The following MEMO1 variants were observed in gnomAD, a reference collection of about 807,000 sequenced individuals.
MEMO1 encodes the protein protein MEMO1.
MEMO1 carries 6 observed loss-of-function variants against 45.2 expected under a neutral mutation model. That is an observed-to-expected ratio of 0.13 (90% confidence interval 0.07 to 0.26). The LOEUF (loss-of-function observed/expected upper bound fraction) is 0.26. MEMO1 is among the 10% of genes least tolerant of loss of function. The pLI is 1.00. For missense variants in MEMO1, 184 were observed against 370.5 expected, an observed-to-expected ratio of 0.50 and a Z score of 4.13; for synonymous variants, 78 against 124.3, an observed-to-expected ratio of 0.63 and a Z score of 2.48.
chr2:31,869,779 C>T, intron 9 of MEMO1, 69 bp downstream of exon 9: 1 of 1,468,508 alleles, frequency 6.8e-7, no homozygotes, highest in South Asian at 1.4e-5. Context: ...GCCATTGTAT[C>T]ACAATGATAA....
At chr2:31,875,534 T>C (rs1293968192) in intron 8 of MEMO1, among the ~76,000 whole-genome samples, 5 of 152,112 alleles carry the variant, frequency 3.3e-5, no homozygotes, top group Non-Finnish European at 5.9e-5. Flanking sequence ...CAAACCAAAA[T>C]AGTCAACCCA....
chr2:31,981,923 A>C (rs1670683580), intron 2 of MEMO1, among the ~76,000 whole-genome samples: 1 of 152,250 alleles, frequency 6.6e-6, no homozygotes, highest in Non-Finnish European at 1.5e-5. Flanking sequence ...AAGTTAACCA[A>C]ACAAAAAAAT....
At chr2:31,925,151 T>C (rs1456757628) in intron 4 of MEMO1, among the ~76,000 whole-genome samples, 2 of 152,150 alleles carry the variant, frequency 1.3e-5, no homozygotes, top group East Asian at 1.9e-4. Context: ...CCCATGCTAT[T>C]GTTCCCCATT....
intron 3 of MEMO1, among the ~76,000 whole-genome samples, chr2:31,934,218 T>C (rs1664637625): frequency 6.6e-6 from 1 of 152,142 alleles, no homozygotes. Flanking sequence ...CTTAAACTGC[T>C]CCTTCCACCT....
At chr2:31,981,207 C>T (rs1267398589) in intron 2 of MEMO1, among the ~76,000 whole-genome samples, 1 of 152,236 alleles carries the variant, frequency 6.6e-6, no homozygotes, top group East Asian at 1.9e-4. Flanking sequence ...ACAGTTCTTA[C>T]TACAGCCTCT....
intron 4 of MEMO1, among the ~76,000 whole-genome samples, chr2:31,927,943 A>G (rs1683351564): frequency 6.6e-6 from 1 of 152,202 alleles, no homozygotes; most frequent in South Asian, 2.1e-4. Context: ...ATTCATTATC[A>G]TATGCTTAAT....
chr2:31,939,274 A>G (rs1321851695), intron 3 of MEMO1, among the ~76,000 whole-genome samples: 1 of 152,132 alleles, frequency 6.6e-6, no homozygotes, highest in Non-Finnish European at 1.5e-5. Context: ...TTATGTTTTT[A>G]TATGTTTATA....
intron 2 of MEMO1, among the ~76,000 whole-genome samples, chr2:31,968,034 G>A (rs77890323): frequency 0.016 from 2,369 of 152,150 alleles, 82 homozygotes; most frequent in African/African-American, 0.054. Context: ...AAGAAAAATG[G>A]AAGTAAAAAC....
At chr2:32,001,031 G>GTT (rs1491301539) in intron 2 of MEMO1, among the ~76,000 whole-genome samples, 1 of 121,878 alleles carries the variant, frequency 8.2e-6, no homozygotes, top group Non-Finnish European at 1.7e-5. Flanking sequence ...CATAAATTTT[G>GTT]ATTTTTTTTT....
intron 2 of MEMO1, among the ~76,000 whole-genome samples, chr2:31,984,761 G>C (rs1164592151): frequency 6.6e-6 from 1 of 152,110 alleles, no homozygotes; most frequent in Non-Finnish European, 1.5e-5. Flanking sequence ...AGCCAAGATT[G>C]TGCCGCTGCA....
chr2:31,947,146 C>T (rs1558524884), intron 2 of MEMO1, among the ~76,000 whole-genome samples: 2 of 152,248 alleles, frequency 1.3e-5, no homozygotes, highest in South Asian at 4.2e-4. Flanking sequence ...ACGTTCACAA[C>T]ACAGGAAGTT....
At chr2:31,922,908 T>C (rs1682529928) in intron 4 of MEMO1, among the ~76,000 whole-genome samples, 1 of 152,166 alleles carries the variant, frequency 6.6e-6, no homozygotes, top group African/African-American at 2.4e-5. Context: ...TTGTCTTTAC[T>C]ATTGTGAACA....
At chr2:31,970,941 T>G (rs1278447405) in intron 2 of MEMO1, among the ~76,000 whole-genome samples, 1 of 152,038 alleles carries the variant, frequency 6.6e-6, no homozygotes, top group Non-Finnish European at 1.5e-5. Flanking sequence ...AAGGTGGAGG[T>G]TGCAGTGAGC....
chr2:31,905,202 C>A (rs1679484198), intron 6 of MEMO1, among the ~76,000 whole-genome samples: 1 of 151,894 alleles, frequency 6.6e-6, no homozygotes, highest in Non-Finnish European at 1.5e-5. Flanking sequence ...CCACTGGACT[C>A]CAGCCTGGGT....
At chr2:31,926,816 C>T (rs1377831095) in intron 4 of MEMO1, among the ~76,000 whole-genome samples, 1 of 151,028 alleles carries the variant, frequency 6.6e-6, no homozygotes. Flanking sequence ...CACTGCACTC[C>T]AGCTGGGCGA....
chr2:32,001,710 C>A (rs1673338548), intron 2 of MEMO1, among the ~76,000 whole-genome samples: 1 of 152,092 alleles, frequency 6.6e-6, no homozygotes, highest in African/African-American at 2.4e-5. Context: ...AAACCCAACT[C>A]TACTATTTAC....
At chr2:31,996,355 C>G (rs966381952) in intron 2 of MEMO1, among the ~76,000 whole-genome samples, 1 of 152,066 alleles carries the variant, frequency 6.6e-6, no homozygotes, top group African/African-American at 2.4e-5. Flanking sequence ...CGAGACAAAC[C>G]TGGACAACAT....
chr2:31,900,726 G>A (rs1678661564), intron 6 of MEMO1, among the ~76,000 whole-genome samples: 1 of 151,574 alleles, frequency 6.6e-6, no homozygotes, highest in Non-Finnish European at 1.5e-5. Context: ...TCATTAAGGA[G>A]ATGCAAATTA....
At chr2:31,971,112 T>C in intron 2 of MEMO1, among the ~76,000 whole-genome samples, 1 of 152,216 alleles carries the variant, frequency 6.6e-6, no homozygotes, top group East Asian at 1.9e-4. Flanking sequence ...TTTCAGATGT[T>C]TTAATTTACT....
Sources: gnomAD v4.1 joint callset for allele counts (sites outside exome capture counted in the v4.1 genomes callset) on GRCh38, gnomAD v4.1.1 for gene constraint, MANE v1.5 for transcripts, NCBI Gene and HGNC (gene_info 2026-07-23, HGNC 2026-07-21) for gene names.